The following PRIM2 variants were observed in gnomAD, a reference collection of about 807,000 sequenced individuals.
PRIM2 encodes the protein DNA primase subunit 2.
In PRIM2, 39 loss-of-function variants were observed where a neutral mutation model predicts 67.3. The ratio of observed to expected loss-of-function variants is 0.58; its 90% CI spans 0.45 to 0.76. The LOEUF is 0.76. Among genes scored for constraint, PRIM2 ranks in the 30% least tolerant of loss-of-function variants. The probability of loss-of-function intolerance (pLI) is 0.00; values close to 1 mark genes in which losing one functional copy is unlikely to be tolerated. For missense variants in PRIM2, 398 were observed against 598.7 expected (o/e 0.66, Z 3.50); for synonymous variants, 143 against 198.7 (o/e 0.72, Z 2.36).
At chr6:57,365,796 C>T (rs1048404639) in intron 5 of PRIM2, among the ~76,000 whole-genome samples, 2 of 151,822 alleles carry the variant, frequency 1.3e-5, no homozygotes, top group East Asian at 1.9e-4. Flanking sequence ...CCGGTCTCTA[C>T]AGAAAATTAA....
chr6:57,495,783 A>T, intron 7 of PRIM2, among the ~76,000 whole-genome samples: 1 of 152,068 alleles, frequency 6.6e-6, no homozygotes, highest in East Asian at 1.9e-4. Flanking sequence ...TTGCTTTGTC[A>T]CCTAGGCTGG....
intron 5 of PRIM2, among the ~76,000 whole-genome samples, chr6:57,336,925 A>G (rs1402668617): frequency 1.8e-4 from 27 of 149,946 alleles, no homozygotes; most frequent in South Asian, 6.4e-4. Flanking sequence ...AAATTGGATA[A>G]AGAGTCAAGA....
chr6:57,486,137 G>A (rs1389606934), intron 7 of PRIM2, among the ~76,000 whole-genome samples: 5 of 152,198 alleles, frequency 3.3e-5, no homozygotes, highest in Non-Finnish European at 7.3e-5. Context: ...CATTCAGAAT[G>A]TCTGGAGAGT....
chr6:57,626,734 C>T (rs1460485937), intron 12 of PRIM2, among the ~76,000 whole-genome samples: 1 of 151,928 alleles, frequency 6.6e-6, no homozygotes, highest in Non-Finnish European at 1.5e-5. Context: ...AAGCGAACCT[C>T]CCGCCTCAGC....
the PRIM2 span, among the ~76,000 whole-genome samples, chr6:57,261,702 T>A: frequency 1.3e-5 from 2 of 152,078 alleles, no homozygotes; most frequent in Admixed American, 6.6e-5. Context: ...AGCCAATGGG[T>A]GGCAGCAGCA....
intron 12 of PRIM2, among the ~76,000 whole-genome samples, chr6:57,622,795 T>G (rs1175461715): frequency 1.3e-5 from 2 of 152,166 alleles, no homozygotes; most frequent in African/African-American, 4.8e-5. Context: ...CAGTCAAAAA[T>G]TCTCAAGAAG....
Position 57,422,619 on chromosome 6 carries a change from C to A in PRIM2, c.693+40451C>A, listed in dbSNP as rs1265242491. ...TTACTTAGATACCAAGTTAATATAC[C>A]AAAAATCCATTTAGACTAATTTTAT... On this transcript the variant is annotated intron_variant, in intron 7 of 13. Transcript: ENST00000615550. Among the ~76,000 whole-genome samples, 3 of 151,872 alleles carry A rather than the reference C, an allele frequency of 2.0e-5. No homozygotes were observed. The South Asian group carries it at 6.3e-4, about 32-fold the overall frequency.
intron 10 of PRIM2, among the ~76,000 whole-genome samples, chr6:57,546,640 GTGGTT>G (rs1775295238): frequency 4.6e-5 from 7 of 151,818 alleles, no homozygotes. Flanking sequence ...TGGGATTGTT[GTGGTT>G]TTGACTGTTG....
At chr6:57,520,044 C>A (rs1376022917) in intron 8 of PRIM2, among the ~76,000 whole-genome samples, 1 of 152,094 alleles carries the variant, frequency 6.6e-6, no homozygotes. Flanking sequence ...AAATGAAACC[C>A]TTAAACATTA....
intron 11 of PRIM2, among the ~76,000 whole-genome samples, chr6:57,605,958 T>C (rs1340697369): frequency 5.9e-5 from 9 of 152,144 alleles, no homozygotes; most frequent in Admixed American, 6.5e-5. Context: ...TTTGCATGTT[T>C]TTCATTTTGT....
chr6:57,228,084 A>G, the PRIM2 span, among the ~76,000 whole-genome samples: 5 of 152,312 alleles, frequency 3.3e-5, no homozygotes, highest in East Asian at 7.7e-4. Context: ...ATATTGATGC[A>G]TCTCCTGGTT....
chr6:57,560,542 A>C (rs1338172498), intron 10 of PRIM2, among the ~76,000 whole-genome samples: 2 of 151,798 alleles, frequency 1.3e-5, no homozygotes, highest in East Asian at 3.9e-4. Flanking sequence ...GCCTAGATCC[A>C]TCAGAGGAAT....
At chr6:57,302,115 A>G in the PRIM2 span, among the ~76,000 whole-genome samples, 5 of 152,244 alleles carry the variant, frequency 3.3e-5, no homozygotes, top group Non-Finnish European at 7.3e-5. Flanking sequence ...TGAGCCCCCA[A>G]ATATGAAATA....
the PRIM2 span, among the ~76,000 whole-genome samples, chr6:57,245,025 C>G: frequency 6.6e-6 from 1 of 152,114 alleles, no homozygotes; most frequent in Non-Finnish European, 1.5e-5. Context: ...GGGATGGCTC[C>G]CGGCAGGGAA....
At chr6:57,492,778 CTACTGTATTGTCAGCACATCTT>C (rs1312303872) in intron 7 of PRIM2, among the ~76,000 whole-genome samples, 1 of 152,104 alleles carries the variant, frequency 6.6e-6, no homozygotes, top group Non-Finnish European at 1.5e-5. Flanking sequence ...TGGCTAGTAG[CTACTGTATTGTCAGCACATCTT>C]TAAAGCAAAT....
At chr6:57,411,694 A>G (rs149200992) in intron 7 of PRIM2, among the ~76,000 whole-genome samples, 1,622 of 152,244 alleles carry the variant, frequency 0.011, 9 homozygotes, top group Middle Eastern at 0.02. Context: ...TAAACCTACT[A>G]TGTCAAGGTA....
intron 5 of PRIM2, among the ~76,000 whole-genome samples, chr6:57,331,190 A>G (rs80305984): frequency 3.6e-5 from 5 of 138,992 alleles, no homozygotes; most frequent in Non-Finnish European, 6.2e-5. Flanking sequence ...TTTGTCTCAG[A>G]AAAAAAAAAA....
chr6:57,446,988 C>T (rs1772389117), intron 7 of PRIM2, among the ~76,000 whole-genome samples: 1 of 152,208 alleles, frequency 6.6e-6, no homozygotes, highest in East Asian at 1.9e-4. Context: ...CCACTGACAA[C>T]TCTTGAAGGC....
intron 7 of PRIM2, among the ~76,000 whole-genome samples, chr6:57,393,026 A>T (rs1328797337): frequency 6.6e-6 from 1 of 151,768 alleles, no homozygotes; most frequent in East Asian, 1.9e-4. Flanking sequence ...ATAGACACAC[A>T]CACACCACAG....
Sources: allele counts gnomAD v4.1 joint callset (sites outside exome capture counted in the v4.1 genomes callset), GRCh38; gene constraint gnomAD v4.1.1; transcripts MANE v1.5; gene names NCBI Gene and HGNC (gene_info 2026-07-23, HGNC 2026-07-21).